STK40: variants seen among roughly 807,000 people sequenced by gnomAD.
STK40 encodes serine/threonine-protein kinase 40.
STK40 carries 13 observed loss-of-function variants against 47.9 expected under a neutral mutation model. The observed-to-expected ratio is 0.27, with a 90% CI of 0.18 to 0.43. STK40 has a LOEUF of 0.43. STK40 is among the 20% of genes least tolerant of loss of function. The probability of loss-of-function intolerance (pLI) is 1.00; values close to 1 mark genes in which losing one functional copy is unlikely to be tolerated. For missense variants in STK40, 460 were observed against 595.1 expected (o/e 0.77, Z 2.36); for synonymous variants, 225 against 243.2 (o/e 0.93, Z 0.69).
At chr1:36,367,821 T>C (rs940742015) in intron 1 of STK40, 4 of 985,734 alleles carry the variant, frequency 4.1e-6, no homozygotes, top group East Asian at 2.3e-4. Context: ...GGCAGCCACA[T>C]AGGAGCGCAC....
intron 1 of STK40, among the ~76,000 whole-genome samples, chr1:36,371,427 G>A (rs1456743809): frequency 6.6e-6 from 1 of 151,220 alleles, no homozygotes; most frequent in Non-Finnish European, 1.5e-5. Context: ...GCTGGTGGGC[G>A]CCTGTAGTGC....
intron 6 of STK40, among the ~76,000 whole-genome samples, chr1:36,349,506 C>T (rs1646732198): frequency 6.6e-6 from 1 of 152,164 alleles, no homozygotes; most frequent in Non-Finnish European, 1.5e-5. Context: ...CAGAGCTGCA[C>T]ACACAACTGA....
chr1:36,374,896 C>G (rs1646979004), intron 1 of STK40, among the ~76,000 whole-genome samples: 1 of 152,210 alleles, frequency 6.6e-6, no homozygotes, highest in African/African-American at 2.4e-5. Context: ...AGAGTCCCTT[C>G]AGCTCCAACC....
chr1:36,369,046 C>T (rs1646923855), intron 1 of STK40, among the ~76,000 whole-genome samples: 1 of 152,134 alleles, frequency 6.6e-6, no homozygotes, highest in South Asian at 2.1e-4. Context: ...GGTACACAGC[C>T]CACAGTGGCA....
chr1:36,353,059 C>T (rs574829727), intron 6 of STK40, among the ~76,000 whole-genome samples: 1 of 152,374 alleles, frequency 6.6e-6, no homozygotes, highest in East Asian at 1.9e-4. Flanking sequence ...TTTCCTCTGA[C>T]CACTGTGGCT....
chr1:36,359,623 T>A (rs1570449809), intron 2 of STK40, among the ~76,000 whole-genome samples: 1 of 152,338 alleles, frequency 6.6e-6, no homozygotes, highest in Admixed American at 6.5e-5. Context: ...AGAGTGGAAA[T>A]CTGATGTCAC....
intron 1 of STK40, among the ~76,000 whole-genome samples, chr1:36,375,301 G>GT (rs749714623): frequency 2.8e-4 from 43 of 152,186 alleles, no homozygotes; most frequent in Non-Finnish European, 5.1e-4. Context: ...GAGGTCAGGA[G>GT]TTTGAGACCA....
At chr1:36,358,192 G>A (rs374635904) in intron 4 of STK40, 47 bp downstream of exon 4, 2 of 1,501,728 alleles carry the variant, frequency 1.3e-6, no homozygotes, top group African/African-American at 2.8e-5. Context: ...GCAGCCCACA[G>A]AGCCAGCCAG....
chr1:36,378,632 G>A (rs1433614503), intron 1 of STK40, among the ~76,000 whole-genome samples: 1 of 152,018 alleles, frequency 6.6e-6, no homozygotes, highest in Non-Finnish European at 1.5e-5. Context: ...CTAATTTTTT[G>A]TATTTTAGTA....
At chr1:36,345,558 G>A (rs529924553) in intron 7 of STK40, among the ~76,000 whole-genome samples, 23 of 152,266 alleles carry the variant, frequency 1.5e-4, no homozygotes, top group African/African-American at 4.3e-4. Flanking sequence ...GAGCAGCTGC[G>A]GTGACTGTGT....
intron 1 of STK40, among the ~76,000 whole-genome samples, chr1:36,370,678 ACT>A (rs1305910716): frequency 2.0e-5 from 3 of 151,938 alleles, no homozygotes; most frequent in Non-Finnish European, 4.4e-5. Flanking sequence ...GGCGGCTCAC[ACT>A]CTCAGATTAA....
chr1:36,353,478 G>A (rs1406758943), intron 6 of STK40, among the ~76,000 whole-genome samples: 3 of 152,198 alleles, frequency 2.0e-5, no homozygotes, highest in Admixed American at 1.3e-4. Context: ...TCCCTCTGCT[G>A]CTGGTTCACC....
chr1:36,365,996 T>C (rs1041268337), intron 1 of STK40: 3 of 152,216 alleles, frequency 2.0e-5, no homozygotes, highest in Non-Finnish European at 2.9e-5. Flanking sequence ...TGACAGTCAT[T>C]GCCAGGGTCG....
intron 6 of STK40, among the ~76,000 whole-genome samples, chr1:36,353,212 G>C (rs1646774915): frequency 6.6e-6 from 1 of 152,214 alleles, no homozygotes; most frequent in Admixed American, 6.5e-5. Flanking sequence ...ATGCCGAGTT[G>C]AGAGGTGACA....
chr1:36,377,405 C>T (rs563634758), intron 1 of STK40, among the ~76,000 whole-genome samples: 2 of 151,714 alleles, frequency 1.3e-5, no homozygotes, highest in South Asian at 4.2e-4. Context: ...TGGTGGCACT[C>T]GCCTGTAGTC....
chr1:36,339,777 T>C lies in STK40; in HGVS notation c.*1978A>G, dbSNP rs1170541980. 6.5e-6 allele frequency: 1 copy of C among 152,726 alleles called. No homozygotes were observed. The highest frequency in any genetic ancestry group is 1.9e-4 in the East Asian group (1 of 5,194). The allele number at this position is 152,726 out of a possible 1,614,324, so 9.5% of individuals were successfully genotyped here. A position where few individuals can be genotyped will look rare whatever the true frequency, so the allele number is the denominator to read the frequency against. On this transcript the variant is annotated 3_prime_UTR_variant, in exon 11 of 11. Coordinates refer to ENST00000373132, the MANE Select transcript of STK40 (RefSeq NM_001282547.2). ...GTGACACCCAGTGAGGGCTGACCCA[T>C]CCTCCTCTCCTTTGCTTCACCAGGA...
Position 36,340,678 on chromosome 1 carries a change from A to G in STK40, c.*1077T>C, listed in dbSNP as rs1452966444. The G allele has an allele frequency of 6.5e-6, 1 of 152,796 alleles. No individual in the cohort carries two copies. Among genetic ancestry groups the G allele is most frequent in the African/African-American group, 2.4e-5 (1 of 41,458 alleles). 9.5% of individuals were successfully genotyped at this position (152,796 alleles called of 1,614,324 possible). On this transcript the variant is annotated 3_prime_UTR_variant, in exon 11 of 11. Coordinates refer to ENST00000373132, the MANE Select transcript of STK40 (RefSeq NM_001282547.2). The stretch of plus-strand genomic sequence containing the variant: ...CAAGCCAGGCAGGCAGGGTCCCCCA[A>G]TCCCTACAATTCTCCTGAGTCCCTC...
intron 1 of STK40, among the ~76,000 whole-genome samples, chr1:36,364,832 T>A (rs1646887745): frequency 6.6e-6 from 1 of 152,124 alleles, no homozygotes; most frequent in South Asian, 2.1e-4. Flanking sequence ...AAATTAAAAT[T>A]AAAAATAAGG....
At chr1:36,342,375 C>T (rs1450136459) in intron 10 of STK40, 3 of 264,604 alleles carry the variant, frequency 1.1e-5, no homozygotes, top group South Asian at 3.9e-5. Context: ...GAGCCACATA[C>T]GCAGGGCCCC....
Sources: allele counts gnomAD v4.1 joint callset (sites outside exome capture counted in the v4.1 genomes callset), GRCh38; gene constraint gnomAD v4.1.1; transcripts MANE v1.5; gene names NCBI Gene and HGNC (gene_info 2026-07-23, HGNC 2026-07-21).